USH2A: variants seen among roughly 807,000 people sequenced by gnomAD.
USH2A encodes Usher syndrome 2A (autosomal recessive, mild).
Under a neutral mutation model 538.9 loss-of-function variants are expected in USH2A, and 443 were observed. The ratio of observed to expected loss-of-function variants is 0.82; its 90% CI spans 0.76 to 0.89. The LOEUF (loss-of-function observed/expected upper bound fraction) is 0.89. Among genes scored for constraint, USH2A ranks in the 40% least tolerant of loss-of-function variants. USH2A has a pLI of 0.00. For missense variants in USH2A, 6,633 were observed against 6,324.8 expected, an observed-to-expected ratio of 1.05 and a Z score of -1.65; for synonymous variants, 2,413 against 2,273.5, an observed-to-expected ratio of 1.06 and a Z score of -1.75.
At chr1:216,303,879 A>C (rs2037263012) in intron 9 of USH2A, among the ~76,000 whole-genome samples, 1 of 151,970 alleles carries the variant, frequency 6.6e-6, no homozygotes, top group Non-Finnish European at 1.5e-5. Flanking sequence ...TTGAGTGACT[A>C]AAGCTAGCAA....
chr1:215,900,640 G>T, intron 39 of USH2A, 115 bp downstream of exon 39: 1 of 1,353,988 alleles, frequency 7.4e-7, no homozygotes, highest in Admixed American at 1.9e-5. Context: ...GGGTTTTTTT[G>T]TACTTTTAAA....
At chr1:215,877,683 C>T (rs1483403525) in intron 43 of USH2A, 75 bp downstream of exon 43, 7 of 1,601,760 alleles carry the variant, frequency 4.4e-6, no homozygotes, top group Admixed American at 1.7e-5. Context: ...AATGAAGACA[C>T]TGAGATACTT....
In USH2A at chr1:216,039,280, G is replaced by A. The variant is rs1377325632; in HGVS notation, c.6325+7151C>T. Reference sequence around the variant, plus strand: ...CTCTGGTCACAGAGTTAGTAGCTTAGTAATTTGGCTTTGAAGGCTCTACTT... The same window carrying A: ...CTCTGGTCACAGAGTTAGTAGCTTAATAATTTGGCTTTGAAGGCTCTACTT... On this transcript the variant is annotated intron_variant, in intron 32 of 71. Transcript: ENST00000307340. 3.3e-5 allele frequency among the ~76,000 whole-genome samples: 5 copies of A among 152,136 alleles called. No homozygotes were observed. In the East Asian group the frequency reaches 9.7e-4, roughly 29 times the overall value.
At chr1:216,194,125 A>G (rs2034783537) in intron 19 of USH2A, 1 of 152,126 alleles carries the variant, frequency 6.6e-6, no homozygotes. Context: ...AATTTGCCCT[A>G]AGATAGTCGT....
rs547865334 is a variant in USH2A at position 216,207,869 on chromosome 1, C to T, written c.3158-438G>A. On this transcript the variant is annotated intron_variant, in intron 15 of 71. Coordinates refer to ENST00000307340, the MANE Select transcript of USH2A (RefSeq NM_206933.4). ...AGGAAGCTTTCCATTCCATTAAGCA[C>T]AATGCTTTATCTTGCTTCAGAGAGC... Among the ~76,000 whole-genome samples the T allele has an allele frequency of 5.3e-5, 8 of 150,270 alleles. No homozygotes were observed. The South Asian group carries it at 1.7e-3, about 31-fold the overall frequency.
At chr1:216,296,120 C>G (rs1057233183) in intron 9 of USH2A, among the ~76,000 whole-genome samples, 1 of 151,736 alleles carries the variant, frequency 6.6e-6, no homozygotes, top group Non-Finnish European at 1.5e-5. Flanking sequence ...TTCTACTTAG[C>G]TGGGGAGAGA....
At chr1:215,656,966 A>G (rs551175103) in intron 64 of USH2A, among the ~76,000 whole-genome samples, 95 of 152,344 alleles carry the variant, frequency 6.2e-4, no homozygotes, top group African/African-American at 2.2e-3. Context: ...CAATTAAATT[A>G]TTTGTTTCCT....
At chr1:216,143,064 C>T (rs2033630379) in intron 21 of USH2A, among the ~76,000 whole-genome samples, 1 of 152,220 alleles carries the variant, frequency 6.6e-6, no homozygotes. Context: ...TTACAGGCCC[C>T]ATTTTCAAGG....
intron 15 of USH2A, among the ~76,000 whole-genome samples, chr1:216,209,993 A>AAATTCTCTT (rs1181021401): frequency 2.0e-5 from 3 of 152,032 alleles, no homozygotes; most frequent in African/African-American, 7.2e-5. Flanking sequence ...GGCCATAAGG[A>AAATTCTCTT]AATTCTCTGA....
chr1:215,925,253 T>C (rs915844260), intron 38 of USH2A, among the ~76,000 whole-genome samples: 2 of 152,174 alleles, frequency 1.3e-5, no homozygotes, highest in Admixed American at 1.3e-4. Context: ...GGTTCTATTC[T>C]CGTACCTGGG....
At chr1:216,331,187 CAAA>C (rs1558041336) in intron 4 of USH2A, among the ~76,000 whole-genome samples, 1 of 152,066 alleles carries the variant, frequency 6.6e-6, no homozygotes, top group Non-Finnish European at 1.5e-5. Context: ...AGAATACTAT[CAAA>C]TATTTCAAGG....
intron 21 of USH2A, among the ~76,000 whole-genome samples, chr1:216,165,795 A>G (rs1412677564): frequency 8.0e-5 from 11 of 136,670 alleles, no homozygotes; most frequent in African/African-American, 3.0e-4. Flanking sequence ...AAACATAGAT[A>G]AGCAAACAAC....
At chr1:216,087,778 C>A (rs1436330136) in intron 23 of USH2A, among the ~76,000 whole-genome samples, 2 of 152,102 alleles carry the variant, frequency 1.3e-5, no homozygotes, top group African/African-American at 4.8e-5. Flanking sequence ...TCAATTATCA[C>A]CCTGGTTCAG....
Position 216,198,470 on chromosome 1 carries a change from A to G in USH2A, c.3926T>C (p.Val1309Ala). 1 of 1,614,056 alleles carries G rather than the reference A, an allele frequency of 6.2e-7. No homozygotes were observed. The highest frequency in any genetic ancestry group is 2.2e-5 in the East Asian group (1 of 44,826). ...SSGWLSPHSF[V>A]ESANENALKP... is the part of the protein sequence containing the mutation. ...TAATGCATTTTCATTGGCCGATTCT[A>G]CAAATGAATGAGGACTGAGCCAACC... Residue 1309 changes from valine to alanine, a missense_variant, in exon 18 of 72, where the codon GTA (valine) becomes GCA (alanine). Coordinates refer to ENST00000307340, the MANE Select transcript of USH2A (RefSeq NM_206933.4).
chr1:216,415,707 C>T (rs753541783), intron 3 of USH2A, among the ~76,000 whole-genome samples: 2 of 151,426 alleles, frequency 1.3e-5, no homozygotes, highest in Admixed American at 6.6e-5. Context: ...GGTGTTTTTT[C>T]GTAGAGATGA....
intron 11 of USH2A, among the ~76,000 whole-genome samples, chr1:216,270,465 C>A (rs980466588): frequency 6.6e-6 from 1 of 152,088 alleles, no homozygotes; most frequent in East Asian, 1.9e-4. Context: ...TTTATAAAAT[C>A]TCTAACTCCT....
chr1:216,139,044 T>C (rs988052823), intron 21 of USH2A, among the ~76,000 whole-genome samples: 6 of 152,130 alleles, frequency 3.9e-5, no homozygotes, highest in African/African-American at 1.4e-4. Flanking sequence ...CCTTTGTCAG[T>C]GACACCATTC....
intron 16 of USH2A, among the ~76,000 whole-genome samples, chr1:216,206,541 C>G (rs541670646): frequency 6.6e-6 from 1 of 152,128 alleles, no homozygotes. Flanking sequence ...GTAATGTCGC[C>G]GGCCTGCTGC....
chr1:215,820,795 G>T (rs188439383), intron 47 of USH2A, among the ~76,000 whole-genome samples: 42 of 151,662 alleles, frequency 2.8e-4, no homozygotes, highest in Admixed American at 6.6e-4. Flanking sequence ...CTACCTTCAT[G>T]AGGTTCACTT....
Sources: gnomAD v4.1 joint callset for allele counts (sites outside exome capture counted in the v4.1 genomes callset) on GRCh38, gnomAD v4.1.1 for gene constraint, MANE v1.5 for transcripts, NCBI Gene and HGNC (gene_info 2026-07-23, HGNC 2026-07-21) for gene names.